The following TCF12 variants were observed in gnomAD, a reference collection of about 807,000 sequenced individuals.
TCF12 encodes transcription factor 12.
Under a neutral mutation model 86.0 loss-of-function variants are expected in TCF12, and 45 were observed. The ratio of observed to expected loss-of-function variants is 0.52; its 90% CI spans 0.41 to 0.67. TCF12 has a LOEUF of 0.67. Ranked by LOEUF, TCF12 falls within the 30% of genes least tolerant of loss-of-function variation. The probability of loss-of-function intolerance (pLI) is 0.00; values close to 1 mark genes in which losing one functional copy is unlikely to be tolerated. For synonymous variants in TCF12, 330 were observed against 299.6 expected (o/e 1.10, Z -1.05); for missense variants, 881 against 859.9 (o/e 1.02, Z -0.31).
chr15:57,290,341 C>CAA (rs149851542), downstream of TCF12, among the ~76,000 whole-genome samples: 2 of 103,092 alleles, frequency 1.9e-5, no homozygotes, highest in East Asian at 3.1e-4. Context: ...AAAACTGTCT[C>CAA]AAAAAAAAAA....
At chr15:57,077,612 A>G (rs2070232347) in intron 4 of TCF12, among the ~76,000 whole-genome samples, 1 of 149,802 alleles carries the variant, frequency 6.7e-6, no homozygotes, top group Non-Finnish European at 1.5e-5. Flanking sequence ...TTTTTTTTTT[A>G]GTAGAGACAG....
chr15:57,185,992 A>G (rs2056645569), intron 6 of TCF12, among the ~76,000 whole-genome samples: 2 of 152,266 alleles, frequency 1.3e-5, no homozygotes, highest in Non-Finnish European at 2.9e-5. Flanking sequence ...AAATGGAAAT[A>G]GAGGACATTA....
intron 16 of TCF12, among the ~76,000 whole-genome samples, chr15:57,258,781 T>C (rs1346996170): frequency 6.6e-6 from 1 of 152,210 alleles, no homozygotes; most frequent in Non-Finnish European, 1.5e-5. Context: ...AAATCATGTC[T>C]GTTTTCTAAA....
intron 5 of TCF12, among the ~76,000 whole-genome samples, chr15:57,141,168 C>T (rs537169958): frequency 6.6e-6 from 1 of 152,138 alleles, no homozygotes; most frequent in African/African-American, 2.4e-5. Context: ...GGTATCAAAT[C>T]CTGTGATTTC....
intron 8 of TCF12, among the ~76,000 whole-genome samples, chr15:57,216,815 G>C (rs369595028): frequency 6.6e-6 from 1 of 152,044 alleles, no homozygotes; most frequent in South Asian, 2.1e-4. Flanking sequence ...TTTTTGGGGG[G>C]TAAGGCAGAC....
chr15:56,926,413 G>A (rs1486767146), intron 3 of TCF12, among the ~76,000 whole-genome samples: 1 of 152,128 alleles, frequency 6.6e-6, no homozygotes, highest in Non-Finnish European at 1.5e-5. Flanking sequence ...ACACATTATT[G>A]TAGTTTAAAT....
chr15:57,200,862 C>T (rs2057509301), intron 8 of TCF12, among the ~76,000 whole-genome samples: 1 of 152,082 alleles, frequency 6.6e-6, no homozygotes, highest in Admixed American at 6.6e-5. Context: ...ATCATTAGAG[C>T]AGTATAGTCA....
intron 12 of TCF12, among the ~76,000 whole-genome samples, chr15:57,238,627 A>G (rs1239930969): frequency 1.3e-5 from 2 of 152,224 alleles, no homozygotes; most frequent in African/African-American, 4.8e-5. Flanking sequence ...GATAAATACT[A>G]CCATTTATTG....
intron 6 of TCF12, among the ~76,000 whole-genome samples, chr15:57,182,273 TTGCCTAAATGTTTGAAGAA>T (rs2151649512): frequency 6.6e-6 from 1 of 152,290 alleles, no homozygotes; most frequent in South Asian, 2.1e-4. Context: ...TGTTTCAGTG[TTGCCTAAATGTTTGAAGAA>T]TCAAATAAAG....
At chr15:56,937,723 T>C (rs1460820493) in intron 3 of TCF12, among the ~76,000 whole-genome samples, 1 of 152,286 alleles carries the variant, frequency 6.6e-6, no homozygotes, top group East Asian at 1.9e-4. Flanking sequence ...ATGTCTCTTA[T>C]ATGCCAGTTT....
intron 3 of TCF12, among the ~76,000 whole-genome samples, chr15:56,935,696 G>C (rs2060439435): frequency 6.6e-6 from 1 of 152,048 alleles, no homozygotes; most frequent in Non-Finnish European, 1.5e-5. Context: ...TCATAGTTTA[G>C]CTCCTGCTTA....
intron 5 of TCF12, among the ~76,000 whole-genome samples, chr15:57,164,509 A>C (rs1374363000): frequency 1.3e-5 from 2 of 152,096 alleles, no homozygotes; most frequent in African/African-American, 4.8e-5. Flanking sequence ...GTGAGAACTC[A>C]CTATCATAAG....
intron 5 of TCF12, among the ~76,000 whole-genome samples, chr15:57,127,050 T>G (rs1442899385): frequency 6.6e-6 from 1 of 151,202 alleles, no homozygotes; most frequent in Non-Finnish European, 1.5e-5. Flanking sequence ...TGGCGTGATC[T>G]CAGCTCACTG....
intron 3 of TCF12, among the ~76,000 whole-genome samples, chr15:57,059,671 A>G (rs2068303876): frequency 8.1e-6 from 1 of 122,878 alleles, no homozygotes; most frequent in Admixed American, 1.1e-4. Flanking sequence ...TTCTTTAATG[A>G]TGGTTTACTT....
rs142063787 is a variant in TCF12, at chr15:57,124,354, A to T, written c.325+32463A>T. On this transcript the variant is annotated intron_variant, in intron 5 of 20. Transcript: ENST00000333725. The stretch of plus-strand genomic sequence containing the variant: ...TTAAATAGTACAGCTATGACAAACA[A>T]TGCTGAGACTGGCTAGGGAATTTGG... Among the ~76,000 whole-genome samples, 14 of 152,318 alleles carry T rather than the reference A, an allele frequency of 9.2e-5. No homozygotes were observed. The East Asian group carries it at 1.9e-3, about 21-fold the overall frequency.
At chr15:57,117,820 CAT>C (rs1410823466) in intron 5 of TCF12, among the ~76,000 whole-genome samples, 1 of 151,934 alleles carries the variant, frequency 6.6e-6, no homozygotes, top group African/African-American at 2.4e-5. Context: ...GTATAATTTC[CAT>C]AGTGGTTTTA....
intron 3 of TCF12, among the ~76,000 whole-genome samples, chr15:56,941,818 A>C (rs929838083): frequency 3.9e-5 from 6 of 151,990 alleles, no homozygotes; most frequent in Admixed American, 6.6e-5. Context: ...CTCTAGGGCT[A>C]TATCAGTCTG....
chr15:57,119,918 G>T (rs1433969008), intron 5 of TCF12, among the ~76,000 whole-genome samples: 1 of 152,156 alleles, frequency 6.6e-6, no homozygotes, highest in Non-Finnish European at 1.5e-5. Flanking sequence ...GCTAAATGCA[G>T]GGTATTCAAA....
intron 4 of TCF12, among the ~76,000 whole-genome samples, chr15:57,089,922 C>G (rs1039047922): frequency 4.6e-5 from 7 of 152,072 alleles, no homozygotes; most frequent in Admixed American, 2.6e-4. Context: ...GTAGTAAAAG[C>G]AAATTCTATG....
Sources: allele counts gnomAD v4.1 joint callset (sites outside exome capture counted in the v4.1 genomes callset), GRCh38; gene constraint gnomAD v4.1.1; transcripts MANE v1.5; gene names NCBI Gene and HGNC (gene_info 2026-07-23, HGNC 2026-07-21).